SLC2A3: variants seen among roughly 807,000 people sequenced by gnomAD.
SLC2A3 encodes the protein solute carrier family 2 member 3, also known as solute carrier family 2, facilitated glucose transporter member 3.
SLC2A3 carries 21 observed loss-of-function variants against 46.4 expected under a neutral mutation model. The ratio of observed to expected loss-of-function variants is 0.45; its 90% confidence interval spans 0.32 to 0.65. The LOEUF (loss-of-function observed/expected upper bound fraction) is 0.65. SLC2A3 is among the 30% of genes least tolerant of loss of function. The probability of loss-of-function intolerance (pLI) is 0.04; values close to 1 mark genes in which losing one functional copy is unlikely to be tolerated. For missense variants in SLC2A3, 499 were observed against 623.3 expected (o/e 0.80, Z 2.12); for synonymous variants, 213 against 239.4 (o/e 0.89, Z 1.02).
intron 2 of SLC2A3, chr12:7,933,463 G>A: frequency 2.1e-6 from 1 of 480,640 alleles, no homozygotes; most frequent in South Asian, 2.7e-5. Context: ...AGAGTGGGAG[G>A]AAGAACAGCA....
intron 8 of SLC2A3, chr12:7,923,264 G>C (rs1946057929): frequency 2.6e-5 from 11 of 427,972 alleles, no homozygotes; most frequent in Non-Finnish European, 1.7e-5. Flanking sequence ...GATCTCCTGG[G>C]CATAAGCAAT....
intron 9 of SLC2A3, among the ~76,000 whole-genome samples, chr12:7,921,890 T>C (rs141039808): frequency 1.9e-4 from 29 of 152,258 alleles, no homozygotes; most frequent in African/African-American, 6.5e-4. Flanking sequence ...TTGAGTATTA[T>C]TTTTAAAATC....
chr12:7,933,632 T>C (rs1194964962), intron 2 of SLC2A3, 178 bp downstream of exon 2: 1 of 622,828 alleles, frequency 1.6e-6, no homozygotes, highest in Non-Finnish European at 2.7e-6. Flanking sequence ...ACTAACTGTG[T>C]TGCTCAGGAT....
chr12:7,934,685 T>TC (rs1328716739), intron 1 of SLC2A3, among the ~76,000 whole-genome samples: 9 of 151,498 alleles, frequency 5.9e-5, no homozygotes, highest in Non-Finnish European at 1.2e-4. Flanking sequence ...TCTACGCCAT[T>TC]CCCCCCCACC....
chr12:7,923,048 A>C (rs1168709076), intron 8 of SLC2A3, 24 bp from the exon 9 acceptor site: 9 of 1,593,622 alleles, frequency 5.6e-6, no homozygotes, highest in Non-Finnish European at 6.8e-6. Context: ...GAACAGAGAA[A>C]ATTAAATTTA....
At chr12:7,929,436 C>A in intron 6 of SLC2A3, 1 of 533,602 alleles carries the variant, frequency 1.9e-6, no homozygotes, top group South Asian at 3.1e-5. Flanking sequence ...CTGAAGTTGC[C>A]AGTGTCCTTC....
chr12:7,927,054 CTTT>C (rs1045009499), intron 6 of SLC2A3, among the ~76,000 whole-genome samples: 1 of 152,018 alleles, frequency 6.6e-6, no homozygotes, highest in Non-Finnish European at 1.5e-5. Context: ...ATTTATTAGT[CTTT>C]TTTATGAATA....
In SLC2A3 at chr12:7,930,609, C is replaced by T; in HGVS notation, c.544G>A (p.Glu182Lys). Residue 182 changes from glutamate (E) to lysine (K), a missense_variant, in exon 5 of 10, where the codon GAG becomes AAG. Glu to Lys is a moderately conservative substitution (Grantham distance 56, BLOSUM62 1). Transcript: ENST00000075120. The part of the protein sequence containing the change: ...FGLEFILGSE[E>K]LWPLLLGFTI... Reference sequence around the variant, plus strand: ...AAACCCAGTAGCAGCGGCCATAGCTCTTCAGACCCAAGGATGAATTCCAGA... The same window carrying T: ...AAACCCAGTAGCAGCGGCCATAGCTTTTCAGACCCAAGGATGAATTCCAGA... The T allele has an allele frequency of 6.2e-7, 1 of 1,613,816 alleles. No individual in the cohort carries two copies. The highest frequency in any genetic ancestry group is 8.5e-7 in the Non-Finnish European group (1 of 1,179,860).
intron 3 of SLC2A3, among the ~76,000 whole-genome samples, chr12:7,931,888 T>G (rs1946159628): frequency 3.3e-5 from 5 of 151,294 alleles, no homozygotes; most frequent in Admixed American, 3.3e-4. Context: ...GCATTTTTTT[T>G]TTTTTTTTTT....
At chr12:7,932,855 A>G (rs985988362) in intron 3 of SLC2A3, 132 bp downstream of exon 3, 10 of 1,350,718 alleles carry the variant, frequency 7.4e-6, no homozygotes, top group African/African-American at 5.9e-5. Flanking sequence ...GGCCAGTTGG[A>G]CTAGGTTTCC....
intron 8 of SLC2A3, among the ~76,000 whole-genome samples, chr12:7,924,053 C>T (rs1946069053): frequency 6.6e-6 from 1 of 152,082 alleles, no homozygotes. Context: ...CAGGCGTGAG[C>T]CACCGCGCCC....
chr12:7,924,048 G>A (rs983357125), intron 8 of SLC2A3, among the ~76,000 whole-genome samples: 13 of 150,594 alleles, frequency 8.6e-5, no homozygotes, highest in African/African-American at 2.2e-4. Flanking sequence ...GATTACAGGC[G>A]TGAGCCACCG....
In SLC2A3 at chr12:7,936,123, T is replaced by A; in HGVS notation, c.-89A>T. ...GCCAACAAAACCTTCAAAATGTCCT[T>A]CTCAGCAGCAAGTTTTCTCCACGTC... On this transcript the variant is annotated 5_prime_UTR_variant, in exon 1 of 10. Coordinates refer to ENST00000075120, the MANE Select transcript of SLC2A3 (RefSeq NM_006931.3). The A allele has an allele frequency of 8.9e-7, 1 of 1,125,674 alleles. No homozygotes were observed. Among genetic ancestry groups the A allele is most frequent in the Non-Finnish European group, 1.4e-6 (1 of 737,504 alleles). The allele number at this position is 1,125,674 out of a possible 1,614,324, so 69.7% of individuals were successfully genotyped here.
chr12:7,929,532 A>G (rs1310077786), intron 6 of SLC2A3, 152 bp downstream of exon 6: 5 of 1,114,064 alleles, frequency 4.5e-6, no homozygotes, highest in Non-Finnish European at 6.3e-6. Context: ...TGGCATAATT[A>G]TAGCTCACTG....
Position 7,921,754 on chromosome 12 carries a change from C to T in SLC2A3, c.1273-123G>A, listed in dbSNP as rs1946038496. 2.8e-6 allele frequency: 3 copies of T among 1,080,054 alleles called. No individual in the cohort carries two copies. The Admixed American group carries it at 8.5e-5, about 31-fold the overall frequency. The allele number at this position is 1,080,054 out of a possible 1,614,324, so 66.9% of individuals were successfully genotyped here. On this transcript the variant is annotated intron_variant, in intron 9 of 9. Transcript: ENST00000075120. ...ATAACCCTTCCATATTTAATGAAAA[C>T]AGGTTTCTTCAGATTCGCTTATGAT...
Position 7,921,180 on chromosome 12 carries a change from G to A in SLC2A3, c.*233C>T, listed in dbSNP as rs143969533. On this transcript the variant is annotated 3_prime_UTR_variant, in exon 10 of 10. Transcript: ENST00000075120. ...GCGGCCAATCCCTCCTGAAATGAAG[G>A]TAGGTTCACTCGGTCTCTCCTAAGC... 5,622 of 879,760 alleles carry A rather than the reference G, an allele frequency of 6.4e-3. 157 individuals carry two copies. The African/African-American group carries it at 0.08, about 13-fold the overall frequency. 54.5% of individuals were successfully genotyped at this position (879,760 alleles called of 1,614,324 possible).
In SLC2A3 at chr12:7,931,474, A is replaced by T. The variant is rs751821942; in HGVS notation, c.281T>A (p.Met94Lys). The change falls in exon 4 of 10, where the codon ATG (methionine) becomes AAG (lysine). Residue 94 changes from methionine to lysine, a missense_variant. Met to Lys is a moderately conservative substitution (Grantham distance 95). Coordinates refer to ENST00000075120, the MANE Select transcript of SLC2A3 (RefSeq NM_006931.3). ...FVNRFGRRNS[M>K]LIVNLLAVTG... ...GACAGCCAACAGGTTGACAATCAGC[A>T]TTGAATTGCGCCTGTAAGGTTAATC... is the stretch of plus-strand genomic sequence containing the variant. 7 of 1,614,102 alleles carry T rather than the reference A, an allele frequency of 4.3e-6. No homozygotes were observed. The highest frequency in any genetic ancestry group is 1.7e-5 in the Admixed American group (1 of 59,998).
intron 1 of SLC2A3, among the ~76,000 whole-genome samples, chr12:7,934,124 G>T (rs1946188572): frequency 2.0e-5 from 3 of 152,042 alleles, no homozygotes; most frequent in Non-Finnish European, 2.9e-5. Flanking sequence ...AAAAATGAAA[G>T]AAAATTGGGG....
intron 4 of SLC2A3, among the ~76,000 whole-genome samples, 157 bp downstream of exon 4, chr12:7,931,088 G>A (rs1049967117): frequency 2.0e-5 from 3 of 152,072 alleles, no homozygotes; most frequent in Non-Finnish European, 4.4e-5. Context: ...GAGCCACAGC[G>A]CCCGGCCTCA....
Sources: gnomAD v4.1 joint callset for allele counts (sites outside exome capture counted in the v4.1 genomes callset) on GRCh38, gnomAD v4.1.1 for gene constraint, MANE v1.5 for transcripts, NCBI Gene and HGNC (gene_info 2026-07-23, HGNC 2026-07-21) for gene names.